PDE11A: variants seen among roughly 807,000 people sequenced by gnomAD.
PDE11A encodes dual 3',5'-cyclic-AMP and -GMP phosphodiesterase 11A.
PDE11A carries 100 observed loss-of-function variants against 100.5 expected under a neutral mutation model. The ratio of observed to expected loss-of-function variants is 1.00; its 90% CI spans 0.85 to 1.18. PDE11A has a LOEUF of 1.18. Among genes scored for constraint, PDE11A ranks in the 50% most tolerant of loss-of-function variants. PDE11A has a pLI of 0.00. For synonymous variants in PDE11A, 381 were observed against 420.8 expected (o/e 0.91, Z 1.16); for missense variants, 1,141 against 1,152.6 (o/e 0.99, Z 0.15).
rs751924208 is a variant in PDE11A at position 178,071,898 on chromosome 2, C to T, written c.540G>A (p.Val180=). The T allele has an allele frequency of 1.2e-6, 2 of 1,613,924 alleles. No individual in the cohort carries two copies. Among genetic ancestry groups the T allele is most frequent in the African/African-American group, 2.7e-5 (2 of 75,028 alleles). ...HILSALLESR[V]NLPRYPPTAI... ...CTGTAGGGGGATACCGAGGCAGATT[C>T]ACTCTCGATTCCAGCAGCGCACTGA... The change falls in exon 1 of 20, where the codon GTG becomes GTA. Residue 180 remains valine (V), a synonymous_variant. Transcript: ENST00000286063.
chr2:177,714,968 G>A (rs1303503834), intron 12 of PDE11A, among the ~76,000 whole-genome samples: 1 of 152,142 alleles, frequency 6.6e-6, no homozygotes, highest in East Asian at 1.9e-4. Context: ...CATTCAGGGG[G>A]TTCCTCCTTC....
chr2:177,633,153 C>CGT (rs1250127010), intron 19 of PDE11A, among the ~76,000 whole-genome samples: 2 of 152,146 alleles, frequency 1.3e-5, no homozygotes, highest in Non-Finnish European at 2.9e-5. Context: ...TCCCTGGTCC[C>CGT]GTGTAAACAC....
At chr2:177,669,622 A>T (rs2080646550) in intron 17 of PDE11A, 55 bp from the exon 18 acceptor site, 2 of 833,588 alleles carry the variant, frequency 2.4e-6, no homozygotes, top group African/African-American at 3.3e-5. Context: ...CACGAGACTC[A>T]GAAGTTCTTT....
chr2:177,993,719 C>T (rs573979365), intron 2 of PDE11A, among the ~76,000 whole-genome samples: 62 of 152,140 alleles, frequency 4.1e-4, no homozygotes, highest in Admixed American at 1.1e-3. Context: ...ATAGTCAATG[C>T]ATTGTTTATG....
intron 2 of PDE11A, among the ~76,000 whole-genome samples, chr2:178,010,702 G>T (rs1165064093): frequency 1.3e-5 from 2 of 152,132 alleles, no homozygotes; most frequent in Admixed American, 1.3e-4. Flanking sequence ...AGGCTCTGTA[G>T]AAAAAGAAAA....
intron 1 of PDE11A, among the ~76,000 whole-genome samples, chr2:178,038,500 T>A (rs998369844): frequency 6.6e-6 from 1 of 151,942 alleles, no homozygotes; most frequent in Non-Finnish European, 1.5e-5. Flanking sequence ...AAGGTGGTGT[T>A]CAGAATATAT....
intron 4 of PDE11A, among the ~76,000 whole-genome samples, chr2:177,896,144 T>G (rs976733484): frequency 6.6e-6 from 1 of 152,152 alleles, no homozygotes; most frequent in Non-Finnish European, 1.5e-5. Flanking sequence ...GAACTTTCAG[T>G]AGAATACCAG....
intron 13 of PDE11A, among the ~76,000 whole-genome samples, chr2:177,710,347 T>C (rs1214685524): frequency 6.6e-6 from 1 of 151,858 alleles, no homozygotes; most frequent in Non-Finnish European, 1.5e-5. Context: ...GGCAAGGTGA[T>C]CTGCTGAGTG....
chr2:177,624,625 C>T lies in PDE11A; in HGVS notation c.*4782G>A, dbSNP rs1358784281. On this transcript the variant is annotated 3_prime_UTR_variant, in exon 20 of 20. Transcript: ENST00000286063. ...CAATGTATTTGCAAATATACAATAC[C>T]TGGAAATGCATAGACATCTCAGATT... The T allele has an allele frequency of 6.6e-6, 1 of 152,092 alleles. No individual in the cohort carries two copies. Among genetic ancestry groups the T allele is most frequent in the Non-Finnish European group, 1.5e-5 (1 of 68,014 alleles). 9.4% of individuals were successfully genotyped at this position (152,092 alleles called of 1,614,324 possible).
At chr2:177,883,590 G>A (rs1367109955) in intron 4 of PDE11A, among the ~76,000 whole-genome samples, 2 of 152,256 alleles carry the variant, frequency 1.3e-5, no homozygotes, top group African/African-American at 4.8e-5. Context: ...AAGCAGGAAC[G>A]CTCTAGGCTG....
intron 15 of PDE11A, among the ~76,000 whole-genome samples, chr2:177,685,026 T>C (rs1374415812): frequency 6.6e-6 from 1 of 152,220 alleles, no homozygotes; most frequent in African/African-American, 2.4e-5. Flanking sequence ...ATTTCAATTC[T>C]ATGAGTTATT....
At chr2:178,101,290 G>C (rs1051499177) in intron 2 of PDE11A, among the ~76,000 whole-genome samples, 1 of 152,184 alleles carries the variant, frequency 6.6e-6, no homozygotes, top group African/African-American at 2.4e-5. Flanking sequence ...ATCAGGACTA[G>C]TCAGGGGAAG....
intron 1 of PDE11A, among the ~76,000 whole-genome samples, chr2:178,056,256 T>C (rs1253702465): frequency 1.3e-5 from 2 of 152,110 alleles, no homozygotes. Flanking sequence ...CTTTTCTGTA[T>C]ACAAAAGAAA....
intron 2 of PDE11A, among the ~76,000 whole-genome samples, chr2:177,966,445 G>C (rs143126931): frequency 1.8e-4 from 28 of 152,258 alleles, no homozygotes; most frequent in Non-Finnish European, 2.8e-4. Context: ...AATACTTCCA[G>C]TTTTTGCCCA....
chr2:177,884,631 T>C (rs2084397848), intron 4 of PDE11A, among the ~76,000 whole-genome samples: 1 of 152,134 alleles, frequency 6.6e-6, no homozygotes, highest in Non-Finnish European at 1.5e-5. Flanking sequence ...GCCTTGAATG[T>C]TGGGTAGTGT....
intron 6 of PDE11A, among the ~76,000 whole-genome samples, chr2:177,834,847 G>T (rs1310561724): frequency 6.7e-6 from 1 of 149,894 alleles, no homozygotes; most frequent in African/African-American, 2.4e-5. Flanking sequence ...CTATGCAAGA[G>T]TTTTTTTTTT....
chr2:177,873,594 A>C (rs1460544391), intron 5 of PDE11A, among the ~76,000 whole-genome samples: 2 of 152,190 alleles, frequency 1.3e-5, no homozygotes, highest in Non-Finnish European at 2.9e-5. Context: ...AGTTTTGACA[A>C]ATACAGTTGT....
chr2:177,875,538 C>T (rs1298000947), intron 5 of PDE11A, among the ~76,000 whole-genome samples: 3 of 151,516 alleles, frequency 2.0e-5, no homozygotes, highest in Non-Finnish European at 4.4e-5. Flanking sequence ...CCACCATGCC[C>T]GGCTAATTTT....
intron 10 of PDE11A, among the ~76,000 whole-genome samples, chr2:177,752,629 C>T (rs1194032993): frequency 3.9e-5 from 6 of 152,134 alleles, no homozygotes; most frequent in Non-Finnish European, 7.4e-5. Context: ...TTTGCAAGTT[C>T]GGGTTTATTT....
Sources: gnomAD v4.1 joint callset for allele counts (sites outside exome capture counted in the v4.1 genomes callset) on GRCh38, gnomAD v4.1.1 for gene constraint, MANE v1.5 for transcripts, NCBI Gene and HGNC (gene_info 2026-07-23, HGNC 2026-07-21) for gene names.